Variants in ZNF276 observed in about 807,000 individuals in gnomAD.
ZNF276 encodes the protein zinc finger protein 276.
Under a neutral mutation model 63.9 loss-of-function variants are expected in ZNF276, and 59 were observed. That is an observed-to-expected ratio of 0.92 (90% confidence interval 0.75 to 1.15). ZNF276 has a LOEUF of 1.15. Among genes scored for constraint, ZNF276 ranks in the 50% most tolerant of loss-of-function variants. ZNF276 has a pLI of 0.00. For missense variants in ZNF276, 1,084 were observed against 843.8 expected, an observed-to-expected ratio of 1.28 and a Z score of -3.53; for synonymous variants, 496 against 348.4, an observed-to-expected ratio of 1.42 and a Z score of -4.72.
chr16:89,737,001 T>C (rs577826813), intron 9 of ZNF276, among the ~76,000 whole-genome samples: 1 of 152,088 alleles, frequency 6.6e-6, no homozygotes, highest in African/African-American at 2.4e-5. Context: ...TTGACAGATG[T>C]GGAGGCAGCA....
chr16:89,730,212 G>C (rs1456470183), intron 6 of ZNF276, among the ~76,000 whole-genome samples: 4 of 152,198 alleles, frequency 2.6e-5, no homozygotes, highest in African/African-American at 9.6e-5. Context: ...GGCTGCAGCA[G>C]CTTCAGCATG....
In ZNF276 at chr16:89,722,775, C is replaced by G. The variant is rs143348391; in HGVS notation, c.450C>G (p.Leu150=). 1 of 1,609,680 alleles carries G rather than the reference C, an allele frequency of 6.2e-7. No homozygotes were observed. The highest frequency in any genetic ancestry group is 8.5e-7 in the Non-Finnish European group (1 of 1,179,986). Residue 150 remains leucine (L), a synonymous_variant, in exon 2 of 11, where the codon CTC becomes CTG. Coordinates refer to ENST00000443381, the MANE Select transcript of ZNF276 (RefSeq NM_001113525.2). ...AGTTCTACCAGTGCCACAGCCTTCT[C>G]AAGTCCTTCCTGCAGAGGGTCAACG... is the stretch of plus-strand genomic sequence containing the variant. The part of the protein sequence containing the change: ...HAQFYQCHSL[L]KSFLQRVNAS...
intron 6 of ZNF276, chr16:89,733,073 C>T (rs1598011907): frequency 3.7e-6 from 2 of 539,726 alleles, no homozygotes; most frequent in South Asian, 2.0e-5. Context: ...CTGTGTTCAC[C>T]CCTGACCCTG....
Position 89,721,551 on chromosome 16 carries a change from C to A in ZNF276, c.-90C>A, listed in dbSNP as rs921143268. 1.2e-4 allele frequency: 160 copies of A among 1,312,668 alleles called. No homozygotes were observed. The highest frequency in any genetic ancestry group is 4.0e-4 in the Admixed American group (13 of 32,802). The allele number at this position is 1,312,668 out of a possible 1,614,324, so 81.3% of individuals were successfully genotyped here. A position where few individuals can be genotyped will look rare whatever the true frequency, so the allele number is the denominator to read the frequency against. On this transcript the variant is annotated 5_prime_UTR_variant, in exon 1 of 11. Transcript: ENST00000443381. ...GCCCCTCCCCCGCCCCGCCTCGCTT[C>A]CAGCGCGCCGAGCGGAGCCTAACGC...
chr16:89,723,142 G>T lies in ZNF276; in HGVS notation c.515G>T (p.Gly172Val). 2 of 1,613,212 alleles carry T rather than the reference G, an allele frequency of 1.2e-6. No individual in the cohort carries two copies. Among genetic ancestry groups the T allele is most frequent in the South Asian group, 2.2e-5 (2 of 91,084 alleles). Residue 172 changes from glycine to valine, a missense_variant, in exon 3 of 11, where the codon GGT (glycine) becomes GTT (valine). Transcript: ENST00000443381. ...GCCACACTGATCCTTTGCAGGGTCG[G>T]TGCCCAGCCCCCAACAGGGGCAGAG... ...AGRRKPCAKV[G>V]AQPPTGAEEG...
Position 89,740,153 on chromosome 16 carries a change from G to T in ZNF276, c.*1907G>T. 7.1e-7 allele frequency: 1 copy of T among 1,401,360 alleles called. No individual in the cohort carries two copies. Among genetic ancestry groups the T allele is most frequent in the Non-Finnish European group, 1.0e-6 (1 of 987,186 alleles). 86.8% of individuals were successfully genotyped at this position (1,401,360 alleles called of 1,614,324 possible). Reference sequence around the variant, plus strand: ...AATGGCCGACCTGGTGCTCCCATGGGTAGGAGGGTACAGCCCTCAGCACAG... The same window carrying T: ...AATGGCCGACCTGGTGCTCCCATGGTTAGGAGGGTACAGCCCTCAGCACAG... On this transcript the variant is annotated 3_prime_UTR_variant, in exon 11 of 11. Coordinates refer to ENST00000443381, the MANE Select transcript of ZNF276 (RefSeq NM_001113525.2).
At chr16:89,721,044 G>C (rs939442019), upstream of ZNF276, 1 of 515,804 alleles carries the variant, frequency 1.9e-6, no homozygotes, top group Non-Finnish European at 2.9e-6. Context: ...GTTAGTGGCG[G>C]GGGCGGCAGA....
intron 6 of ZNF276, chr16:89,732,821 C>A: frequency 4.4e-6 from 1 of 227,300 alleles, no homozygotes; most frequent in East Asian, 1.2e-4. Context: ...CTGTGTTCAC[C>A]TGACCCTGCT....
At chr16:89,720,621 C>G (rs1279126395), upstream of ZNF276, 7 of 1,228,594 alleles carry the variant, frequency 5.7e-6, no homozygotes, top group Middle Eastern at 6.4e-4. Context: ...CCCGTCCTCG[C>G]CCGGGAACCG....
chr16:89,732,676 T>G (rs1244335255), intron 6 of ZNF276: 1 of 222,504 alleles, frequency 4.5e-6, no homozygotes, highest in African/African-American at 2.4e-5. Flanking sequence ...GTCCTCGCCC[T>G]CTGCTGTGCT....
intron 6 of ZNF276, among the ~76,000 whole-genome samples, chr16:89,730,077 G>A (rs2061595683): frequency 6.6e-6 from 1 of 152,206 alleles, no homozygotes; most frequent in South Asian, 2.1e-4. Flanking sequence ...CTGCTGTGCA[G>A]ACTGAGAGGT....
Position 89,740,492 on chromosome 16 carries a change from G to A in ZNF276, c.*2246G>A, listed in dbSNP as rs1301316405. Reference sequence around the variant, plus strand: ...TCTACTAAAAATACAAAAATTAGCCGGGTGTGACAGACTCACGCCTGTAAT... The same window carrying A: ...TCTACTAAAAATACAAAAATTAGCCAGGTGTGACAGACTCACGCCTGTAAT... On this transcript the variant is annotated 3_prime_UTR_variant, in exon 11 of 11. Transcript: ENST00000443381. 6.3e-6 allele frequency: 3 copies of A among 473,286 alleles called. No homozygotes were observed. Among genetic ancestry groups the A allele is most frequent in the Non-Finnish European group, 1.1e-5 (3 of 262,496 alleles). 29.3% of individuals were successfully genotyped at this position (473,286 alleles called of 1,614,324 possible). A position where few individuals can be genotyped will look rare whatever the true frequency, so the allele number is the denominator to read the frequency against.
chr16:89,733,912 CTCCTTCAGAA>C lies in ZNF276; in HGVS notation c.1357-8_1358del. ...GCTCTGAGGGTCTCTCACCGAGTCT[CTCCTTCAGAA>C]GCACATCAAGGAGCACCACGAGGAG... On this transcript the variant is annotated splice_acceptor_variant and splice_polypyrimidine_tract_variant and coding_sequence_variant and intron_variant, in exon 9 of 11. Transcript: ENST00000443381. LOFTEE classifies it high-confidence loss of function. 1 of 1,613,280 alleles carries C rather than the reference CTCCTTCAGAA, an allele frequency of 6.2e-7. No homozygotes were observed. The highest frequency in any genetic ancestry group is 8.5e-7 in the Non-Finnish European group (1 of 1,179,594).
chr16:89,722,650 G>A lies in ZNF276; in HGVS notation c.325G>A (p.Glu109Lys), dbSNP rs759423053. Residue 109 changes from glutamate to lysine, a missense_variant, in exon 2 of 11, where the codon GAG (glutamate) becomes AAG (lysine). Transcript: ENST00000443381. Reference protein sequence around the residue: ...PGASMERPSAEERVLVRDFQR... With the variant: ...PGASMERPSAKERVLVRDFQR... The stretch of plus-strand genomic sequence containing the variant: ...AGCGAGCATGGAGAGGCCATCCGCA[G>A]AGGAGCGCGTGCTCGTACGGGACTT... The A allele has an allele frequency of 6.2e-7, 1 of 1,612,204 alleles. No homozygotes were observed. The highest frequency in any genetic ancestry group is 8.5e-7 in the Non-Finnish European group (1 of 1,180,030).
At position 89,738,000 on chromosome 16, in the gene ZNF276, C is replaced by T; in HGVS notation, c.1599C>T (p.Cys533=). ...GGTGTGAGGTCTGTGGGTTCCAGTG[C>T]AGGCAGCGGGCATCCCTCAAGTACC... ...PLQCEVCGFQ[C]RQRASLKYHM... The change falls in exon 11 of 11, where the codon TGC becomes TGT. Residue 533 remains cysteine (C), a synonymous_variant. Transcript: ENST00000443381. 1 of 1,614,184 alleles carries T rather than the reference C, an allele frequency of 6.2e-7. No homozygotes were observed. The highest frequency in any genetic ancestry group is 8.5e-7 in the Non-Finnish European group (1 of 1,180,038).
At chr16:89,737,678 G>C in intron 9 of ZNF276, 128 bp from the exon 10 acceptor site, 1 of 1,530,826 alleles carries the variant, frequency 6.5e-7, no homozygotes, top group South Asian at 1.3e-5. Flanking sequence ...CCCCTTGCTT[G>C]GGCCCACTGC....
chr16:89,727,148 G>A (rs965881187), intron 4 of ZNF276, 131 bp from the exon 5 acceptor site: 10 of 949,126 alleles, frequency 1.1e-5, no homozygotes, highest in Non-Finnish European at 1.7e-5. Context: ...ATGGGGCCAT[G>A]GTGGGGAGAA....
intron 4 of ZNF276, among the ~76,000 whole-genome samples, chr16:89,724,852 CTTT>C (rs1292426367): frequency 4.6e-5 from 7 of 152,090 alleles, no homozygotes; most frequent in Non-Finnish European, 1.0e-4. Flanking sequence ...CTTCCTACTT[CTTT>C]GTCTCTCTCT....
In ZNF276 at chr16:89,739,887, AACTT is replaced by A. The variant is rs750910281; in HGVS notation, c.*1647_*1650del. The A allele has an allele frequency of 1.8e-5, 28 of 1,565,282 alleles. No homozygotes were observed. The highest frequency in any genetic ancestry group is 2.4e-5 in the South Asian group (2 of 83,318). On this transcript the variant is annotated 3_prime_UTR_variant, in exon 11 of 11. Coordinates refer to ENST00000443381, the MANE Select transcript of ZNF276 (RefSeq NM_001113525.2). ...TGTCCCAACTAAAATGGAGCTTATA[AACTT>A]ACTTAGCAAGGAACCTCAAGGAGGG...
Sources: gnomAD v4.1 joint callset for allele counts (sites outside exome capture counted in the v4.1 genomes callset) on GRCh38, gnomAD v4.1.1 for gene constraint, MANE v1.5 for transcripts, NCBI Gene and HGNC (gene_info 2026-07-23, HGNC 2026-07-21) for gene names.